NWD1: variants seen among roughly 807,000 people sequenced by gnomAD.
NWD1 encodes the protein NACHT domain- and WD repeat-containing protein 1.
A neutral mutation model predicts 135.1 loss-of-function variants in NWD1; 129 were observed. The observed-to-expected ratio is 0.96, with a 90% CI of 0.83 to 1.11. NWD1 has a LOEUF of 1.11. Ranked by LOEUF, NWD1 falls within the 50% of genes least tolerant of loss-of-function variation. The pLI is 0.00. For missense variants in NWD1, 1,740 were observed against 1,851.3 expected (o/e 0.94, Z 1.10); for synonymous variants, 773 against 786.0 (o/e 0.98, Z 0.28).
chr19:16,746,276 C>T (rs1037553789), intron 5 of NWD1, among the ~76,000 whole-genome samples: 25 of 151,834 alleles, frequency 1.6e-4, no homozygotes, highest in East Asian at 5.8e-4. Flanking sequence ...GGGAGGATTG[C>T]GTCAGCCTAG....
intron 6 of NWD1, among the ~76,000 whole-genome samples, chr19:16,755,083 A>T (rs1261986400): frequency 6.6e-6 from 1 of 152,066 alleles, no homozygotes; most frequent in African/African-American, 2.4e-5. Context: ...TAATCTATCC[A>T]CCTATTTAAA....
At chr19:16,754,809 T>TCCAC (rs2122841490) in intron 6 of NWD1, among the ~76,000 whole-genome samples, 1 of 151,424 alleles carries the variant, frequency 6.6e-6, no homozygotes, top group African/African-American at 2.4e-5. Context: ...CATCCATCCA[T>TCCAC]CCATCCATCC....
rs151090114 is a variant in NWD1 at position 16,803,105 on chromosome 19, G to A, written c.3736+2943G>A. Among the ~76,000 whole-genome samples, 837 of 152,300 alleles carry A rather than the reference G, an allele frequency of 5.5e-3. 10 individuals are homozygous for A. Among genetic ancestry groups the A allele is most frequent in the African/African-American group, 0.019 (795 of 41,578 alleles). ...GTCTTACATGGTGGCAGGCAAGAGA[G>A]TGTGTGCAGGGGAATTGCCCTTTAC... is the stretch of plus-strand genomic sequence containing the variant. On this transcript the variant is annotated intron_variant, in intron 17 of 18. Transcript: ENST00000524140.
chr19:16,809,957 G>C (rs564605734), intron 18 of NWD1, among the ~76,000 whole-genome samples: 1 of 152,076 alleles, frequency 6.6e-6, no homozygotes, highest in Non-Finnish European at 1.5e-5. Flanking sequence ...CTTTCTATCT[G>C]CCTGGTCACA....
At chr19:16,735,512 CAA>C (rs961533890) in intron 3 of NWD1, among the ~76,000 whole-genome samples, 1 of 130,216 alleles carries the variant, frequency 7.7e-6, no homozygotes, top group Non-Finnish European at 1.7e-5. Flanking sequence ...TCCCCCTGAC[CAA>C]AAAAAAAAAG....
chr19:16,728,596 T>A (rs1199867654), intron 2 of NWD1, among the ~76,000 whole-genome samples: 1 of 149,528 alleles, frequency 6.7e-6, no homozygotes, highest in Admixed American at 6.7e-5. Flanking sequence ...CACCACTCCA[T>A]GTATATGTGC....
At chr19:16,720,616 C>T (rs376702966) in intron 1 of NWD1, among the ~76,000 whole-genome samples, 6 of 151,960 alleles carry the variant, frequency 3.9e-5, no homozygotes, top group Non-Finnish European at 7.4e-5. Context: ...AGTGCAGTGG[C>T]GTGATCTCAG....
At chr19:16,764,361 GTCCA>G (rs71180332) in intron 9 of NWD1, among the ~76,000 whole-genome samples, 48,140 of 145,076 alleles carry the variant, frequency 0.33, 7,909 homozygotes, top group Middle Eastern at 0.55. Context: ...CCCATCTTCT[GTCCA>G]TCCATCCATC....
At chr19:16,806,152 C>T (rs1599561032) in intron 17 of NWD1, among the ~76,000 whole-genome samples, 1 of 152,136 alleles carries the variant, frequency 6.6e-6, no homozygotes, top group Non-Finnish European at 1.5e-5. Flanking sequence ...GGATTACAGA[C>T]GTGAGTCACC....
Position 16,766,884 on chromosome 19 carries a change from C to A in NWD1, c.2410+1692C>A, listed in dbSNP as rs145840364. Among the ~76,000 whole-genome samples the A allele has an allele frequency of 7.9e-4, 120 of 152,058 alleles. No homozygotes were observed. In the Middle Eastern group the frequency reaches 0.02, roughly 26 times the overall value. On this transcript the variant is annotated intron_variant, in intron 10 of 18. Transcript: ENST00000524140. ...GACAGGCATGAACCACTGTGCCTGA[C>A]CCCCATCTTAACCATTTTTATGTGT...
chr19:16,813,258 C>T (rs1422206509), intron 18 of NWD1, among the ~76,000 whole-genome samples: 1 of 152,110 alleles, frequency 6.6e-6, no homozygotes, highest in East Asian at 1.9e-4. Context: ...CTGGTTACAT[C>T]ACTACATTCC....
rs2122668099 is a variant in NWD1, at chr19:16,725,589, G to A, written c.-7+1126G>A. 2.0e-5 allele frequency among the ~76,000 whole-genome samples: 3 copies of A among 152,070 alleles called. 1 individual carries two copies. The South Asian group carries it at 6.3e-4, about 32-fold the overall frequency. On this transcript the variant is annotated intron_variant, in intron 2 of 18. Coordinates refer to ENST00000524140, the MANE Select transcript of NWD1 (RefSeq NM_001007525.5). The stretch of plus-strand genomic sequence containing the variant: ...TATTTTTGAGATGGAGTCTCCCTCT[G>A]TCACTCAGGCTGGAATGCAGTGGCA...
intron 2 of NWD1, among the ~76,000 whole-genome samples, chr19:16,725,344 G>A (rs1281862913): frequency 6.6e-6 from 1 of 151,366 alleles, no homozygotes; most frequent in Non-Finnish European, 1.5e-5. Context: ...CAGACGTGAT[G>A]GTGCACACCT....
At chr19:16,782,649 C>A (rs923723087) in intron 12 of NWD1, among the ~76,000 whole-genome samples, 8 of 152,036 alleles carry the variant, frequency 5.3e-5, no homozygotes, top group Non-Finnish European at 1.2e-4. Context: ...GTTTAATTGG[C>A]CCTCCATATC....
intron 6 of NWD1, among the ~76,000 whole-genome samples, chr19:16,753,033 A>G (rs1968641481): frequency 6.6e-6 from 1 of 152,232 alleles, no homozygotes; most frequent in South Asian, 2.1e-4. Flanking sequence ...GGCATGTTCC[A>G]GAATAGAGGG....
chr19:16,761,968 C>T lies in NWD1; in HGVS notation c.1974-11C>T. On this transcript the variant is annotated splice_polypyrimidine_tract_variant and intron_variant, in intron 7 of 18. Coordinates refer to ENST00000524140, the MANE Select transcript of NWD1 (RefSeq NM_001007525.5). ...CACCCAGGTCTATCAGTCTGTATAC[C>T]CTCTCTGTAGACAGCTGGTCGAGGT... 1 of 1,612,348 alleles carries T rather than the reference C, an allele frequency of 6.2e-7. No homozygotes were observed. Among genetic ancestry groups the T allele is most frequent in the Non-Finnish European group, 8.5e-7 (1 of 1,178,814 alleles).
At chr19:16,801,031 A>G (rs1325571181) in intron 17 of NWD1, among the ~76,000 whole-genome samples, 2 of 152,136 alleles carry the variant, frequency 1.3e-5, no homozygotes, top group African/African-American at 4.8e-5. Flanking sequence ...TAATACCAGC[A>G]CTTTGGGAGG....
Position 16,808,134 on chromosome 19 carries a change from A to G in NWD1, c.4285A>G (p.Thr1429Ala), listed in dbSNP as rs1970814165. 6.2e-7 allele frequency: 1 copy of G among 1,612,224 alleles called. No individual in the cohort carries two copies. The highest frequency in any genetic ancestry group is 1.7e-5 in the Admixed American group (1 of 59,956). Residue 1429 changes from threonine to alanine, a missense_variant and splice_region_variant, in exon 18 of 19, where the codon ACG (threonine) becomes GCG (alanine). Coordinates refer to ENST00000524140, the MANE Select transcript of NWD1 (RefSeq NM_001007525.5). ...ARKWKFEMSYTAPC is the reference protein window; with the variant it reads ...ARKWKFEMSYAAPC ...CAAGTGGAAATTCGAGATGAGCTAC[A>G]CGGTGGGTGGCCCGCCTCCCCATGT...
chr19:16,764,070 T>C, intron 9 of NWD1, 125 bp downstream of exon 9: 1 of 635,930 alleles, frequency 1.6e-6, no homozygotes, highest in Non-Finnish European at 2.8e-6. Flanking sequence ...GCAGAGGTTC[T>C]CACAAGGGGC....
Sources: gnomAD v4.1 joint callset for allele counts (sites outside exome capture counted in the v4.1 genomes callset) on GRCh38, gnomAD v4.1.1 for gene constraint, MANE v1.5 for transcripts, NCBI Gene and HGNC (gene_info 2026-07-23, HGNC 2026-07-21) for gene names.